UBAP2L: variants seen among roughly 807,000 people sequenced by gnomAD.
The protein encoded by UBAP2L is ubiquitin associated protein 2 like, also known as ubiquitin-associated protein 2-like.
Under a neutral mutation model 130.6 loss-of-function variants are expected in UBAP2L, and 12 were observed. That is an observed-to-expected ratio of 0.09 (90% CI 0.06 to 0.15). The LOEUF (loss-of-function observed/expected upper bound fraction) is 0.15, where lower values mean the gene tolerates loss of function less well. UBAP2L is among the 10% of genes least tolerant of loss of function. The probability of loss-of-function intolerance (pLI) is 1.00; values close to 1 mark genes in which losing one functional copy is unlikely to be tolerated. For missense variants in UBAP2L, 965 were observed against 1,332.5 expected, an observed-to-expected ratio of 0.72 and a Z score of 4.29; for synonymous variants, 503 against 524.7, an observed-to-expected ratio of 0.96 and a Z score of 0.57.
intron 1 of UBAP2L, among the ~76,000 whole-genome samples, chr1:154,222,287 T>C (rs1666483530): frequency 6.6e-6 from 1 of 152,236 alleles, no homozygotes; most frequent in African/African-American, 2.4e-5. Flanking sequence ...ATTTTGGCTG[T>C]GTATCAGTTG....
chr1:154,257,079 G>A lies in UBAP2L; in HGVS notation c.2174G>A (p.Ser725Asn), dbSNP rs1679932574. Reference protein sequence around the residue: ...TSTLLHTSVESEANLHSSSST... With the variant: ...TSTLLHTSVENEANLHSSSST... ...CTTTTGAAGCACACAAGTGTGGAGA[G>A]TGAGGCGAATCTCCATTCTTCCTCC... The change falls in exon 19 of 27, where the codon AGT (serine) becomes AAT (asparagine). Residue 725 changes from serine (S) to asparagine (N), a missense_variant. Ser to Asn is a conservative substitution (Grantham distance 46, BLOSUM62 1). Coordinates refer to ENST00000428931, the MANE Select transcript of UBAP2L (RefSeq NM_014847.4). 2 of 1,613,576 alleles carry A rather than the reference G, an allele frequency of 1.2e-6. No individual in the cohort carries two copies. The highest frequency in any genetic ancestry group is 1.3e-5 in the African/African-American group (1 of 74,920).
chr1:154,227,564 T>TC (rs34660506), intron 3 of UBAP2L, among the ~76,000 whole-genome samples: 4 of 152,010 alleles, frequency 2.6e-5, no homozygotes, highest in Admixed American at 6.6e-5. Flanking sequence ...TGTTTTTTTT[T>TC]CAGATGAAGT....
chr1:154,234,570 G>T (rs1484684419), intron 4 of UBAP2L, 21 bp from the exon 5 acceptor site: 14 of 1,613,406 alleles, frequency 8.7e-6, no homozygotes, highest in Non-Finnish European at 1.2e-5. Context: ...GATTAGATAT[G>T]AATGCTCTAC....
intron 20 of UBAP2L, 158 bp from the exon 21 acceptor site, chr1:154,258,819 A>G (rs1370016629): frequency 6.7e-6 from 4 of 595,430 alleles, no homozygotes; most frequent in Non-Finnish European, 1.2e-5. Context: ...TGTGTACTTT[A>G]CTGCTTTTTC....
intron 26 of UBAP2L, chr1:154,269,547 C>T (rs1684264212): frequency 1.7e-6 from 1 of 575,704 alleles, no homozygotes; most frequent in South Asian, 1.7e-5. Context: ...TTGCTGAGCT[C>T]TCTGGCCTCC....
At chr1:154,270,956 C>G, downstream of UBAP2L, 1 of 1,547,686 alleles carries the variant, frequency 6.5e-7, no homozygotes, top group African/African-American at 1.4e-5. Flanking sequence ...CTAGCAGGCC[C>G]CTGAAGGCAG....
chr1:154,270,597 C>G lies in UBAP2L; in HGVS notation c.*302C>G, dbSNP rs1684534236. The G allele has an allele frequency of 7.1e-7, 1 of 1,416,998 alleles. No homozygotes were observed. Among genetic ancestry groups the G allele is most frequent in the East Asian group, 2.6e-5 (1 of 38,332 alleles). 87.8% of individuals were successfully genotyped at this position (1,416,998 alleles called of 1,614,324 possible). A position where few individuals can be genotyped will look rare whatever the true frequency, so the allele number is the denominator to read the frequency against. On this transcript the variant is annotated 3_prime_UTR_variant, in exon 27 of 27. Coordinates refer to ENST00000428931, the MANE Select transcript of UBAP2L (RefSeq NM_014847.4). ...ACTTCCTTTGCTTCCTCCTGTTCAC[C>G]CTGGTGGTGTACGGATGAGGCGGGG...
intron 1 of UBAP2L, among the ~76,000 whole-genome samples, chr1:154,223,582 G>C (rs982531848): frequency 6.6e-6 from 1 of 151,734 alleles, no homozygotes; most frequent in African/African-American, 2.4e-5. Flanking sequence ...ATGGGCTACT[G>C]TGTAGCAAAT....
upstream of UBAP2L, chr1:154,220,475 G>A: frequency 6.3e-7 from 1 of 1,593,968 alleles, no homozygotes; most frequent in Non-Finnish European, 8.6e-7. Flanking sequence ...CCCAGGCTCC[G>A]CCGAAGCGAC....
intron 24 of UBAP2L, among the ~76,000 whole-genome samples, chr1:154,265,588 G>A (rs1258034643): frequency 2.0e-5 from 3 of 152,008 alleles, no homozygotes; most frequent in Non-Finnish European, 4.4e-5. Context: ...TTCTTGACCC[G>A]ATGCCTTATA....
At chr1:154,220,516 A>G (rs1474358379), upstream of UBAP2L, 4 of 1,251,400 alleles carry the variant, frequency 3.2e-6, no homozygotes, top group Non-Finnish European at 4.7e-6. Context: ...CTCCCCGGCC[A>G]TTTCCTTACG....
intron 8 of UBAP2L, 92 bp downstream of exon 8, chr1:154,237,228 GTGTTTGGT>G: frequency 8.3e-7 from 1 of 1,201,322 alleles, no homozygotes; most frequent in South Asian, 1.3e-5. Flanking sequence ...TGGAAGAATA[GTGTTTGGT>G]TATGGAGATA....
At chr1:154,268,643 G>A (rs1346945689) in intron 25 of UBAP2L, 114 bp from the exon 26 acceptor site, 9 of 983,740 alleles carry the variant, frequency 9.1e-6, no homozygotes, top group Non-Finnish European at 1.4e-5. Context: ...AGTGTACTGT[G>A]CCTTCTGTGA....
intron 24 of UBAP2L, among the ~76,000 whole-genome samples, chr1:154,262,464 C>T (rs978282704): frequency 2.6e-5 from 4 of 152,060 alleles, no homozygotes; most frequent in East Asian, 1.9e-4. Context: ...ACCTTTTCAG[C>T]GACTTGTAGA....
chr1:154,242,918 A>G (rs1674035006), intron 9 of UBAP2L: 1 of 177,860 alleles, frequency 5.6e-6, no homozygotes, highest in African/African-American at 2.4e-5. Flanking sequence ...ATATAGAGGG[A>G]TTTTCTTTCT....
intron 1 of UBAP2L, among the ~76,000 whole-genome samples, chr1:154,224,271 C>T (rs1340980997): frequency 3.9e-5 from 6 of 152,138 alleles, no homozygotes; most frequent in African/African-American, 1.4e-4. Flanking sequence ...GTGCTAGATG[C>T]TTTTGGTTTG....
At chr1:154,227,460 G>T (rs1271664449) in intron 3 of UBAP2L, 101 bp downstream of exon 3, 7 of 1,033,712 alleles carry the variant, frequency 6.8e-6, no homozygotes, top group Non-Finnish European at 8.7e-6. Context: ...TCTACTATAG[G>T]TATTGAAAGA....
At chr1:154,262,788 G>C (rs953845922) in intron 24 of UBAP2L, among the ~76,000 whole-genome samples, 5 of 152,004 alleles carry the variant, frequency 3.3e-5, no homozygotes, top group African/African-American at 1.2e-4. Context: ...GACTCCTTGT[G>C]GCCACCCCTG....
chr1:154,248,728 A>G (rs1676478070), intron 11 of UBAP2L, among the ~76,000 whole-genome samples: 1 of 152,074 alleles, frequency 6.6e-6, no homozygotes, highest in Non-Finnish European at 1.5e-5. Flanking sequence ...AGGCAGGAGA[A>G]TGGTGTGAAC....
Sources: allele counts gnomAD v4.1 joint callset (sites outside exome capture counted in the v4.1 genomes callset), GRCh38; gene constraint gnomAD v4.1.1; transcripts MANE v1.5; gene names NCBI Gene and HGNC (gene_info 2026-07-23, HGNC 2026-07-21).